The following TNFRSF19 variants were observed in gnomAD, a reference collection of about 807,000 sequenced individuals.
TNFRSF19 encodes the protein TNF receptor superfamily member 19.
In TNFRSF19, 27 loss-of-function variants were observed where a neutral mutation model predicts 46.4. The ratio of observed to expected loss-of-function variants is 0.58; its 90% CI spans 0.43 to 0.80. The LOEUF is 0.80. Among genes scored for constraint, TNFRSF19 ranks in the 30% least tolerant of loss-of-function variants. The probability of loss-of-function intolerance (pLI) is 0.00; values close to 1 mark genes in which losing one functional copy is unlikely to be tolerated. For synonymous variants in TNFRSF19, 204 were observed against 205.0 expected (o/e 1.00, Z 0.04); for missense variants, 511 against 530.8 (o/e 0.96, Z 0.37).
At chr13:23,638,063 A>G (rs1882799783) in intron 5 of TNFRSF19, among the ~76,000 whole-genome samples, 1 of 128,144 alleles carries the variant, frequency 7.8e-6, no homozygotes, top group Non-Finnish European at 1.8e-5. Context: ...CAGATGTTCA[A>G]GGCCATAATA....
At chr13:23,638,956 C>T (rs1882872604) in intron 5 of TNFRSF19, among the ~76,000 whole-genome samples, 1 of 152,148 alleles carries the variant, frequency 6.6e-6, no homozygotes, top group Non-Finnish European at 1.5e-5. Context: ...CTCTTCATGT[C>T]TTTATCTTGT....
chr13:23,584,738 T>C (rs1429175161), intron 1 of TNFRSF19, among the ~76,000 whole-genome samples: 2 of 152,128 alleles, frequency 1.3e-5, no homozygotes, highest in Non-Finnish European at 2.9e-5. Flanking sequence ...TTAGGGTTTT[T>C]AGTAGAAAAT....
intron 1 of TNFRSF19, among the ~76,000 whole-genome samples, chr13:23,575,136 G>T (rs924372962): frequency 6.6e-6 from 1 of 152,206 alleles, no homozygotes; most frequent in Non-Finnish European, 1.5e-5. Flanking sequence ...CCAGCCCTAG[G>T]TCGGGGAGTC....
At chr13:23,666,036 C>T (rs1275024813) in intron 7 of TNFRSF19, among the ~76,000 whole-genome samples, 1 of 152,096 alleles carries the variant, frequency 6.6e-6, no homozygotes, top group African/African-American at 2.4e-5. Context: ...CTGATGCTTC[C>T]TCAGGATTAG....
intron 5 of TNFRSF19, among the ~76,000 whole-genome samples, chr13:23,657,102 T>C (rs1055388897): frequency 6.6e-6 from 1 of 152,204 alleles, no homozygotes; most frequent in Admixed American, 6.5e-5. Context: ...TCCTTTAAAA[T>C]GTATGATTGG....
intron 3 of TNFRSF19, among the ~76,000 whole-genome samples, chr13:23,612,657 A>G (rs1175836698): frequency 6.6e-6 from 1 of 152,198 alleles, no homozygotes; most frequent in Non-Finnish European, 1.5e-5. Context: ...AAAATATTAC[A>G]TTTTTGAAAA....
At chr13:23,623,778 C>T (rs1001807498) in intron 4 of TNFRSF19, among the ~76,000 whole-genome samples, 1 of 152,066 alleles carries the variant, frequency 6.6e-6, no homozygotes, top group African/African-American at 2.4e-5. Context: ...AGACATTTCT[C>T]TGGAGAAATG....
In TNFRSF19 at chr13:23,668,035, G is replaced by C. The variant is rs760740705; in HGVS notation, c.792G>C (p.Pro264=). 6.2e-7 allele frequency: 1 copy of C among 1,609,986 alleles called. No homozygotes were observed. Among genetic ancestry groups the C allele is most frequent in the South Asian group, 1.1e-5 (1 of 89,712 alleles). The part of the protein sequence containing the change: ...MCCEEACSPN[P]ATLGCGVHSA... Reference sequence around the variant, plus strand: ...GTGAGGAGGCCTGCAGCCCCAACCCGGCGACTCTTGGTTGTGGGGTGCATT... The same window carrying C: ...GTGAGGAGGCCTGCAGCCCCAACCCCGCGACTCTTGGTTGTGGGGTGCATT... The change falls in exon 8 of 10, where the codon CCG becomes CCC. Residue 264 remains proline (P), a synonymous_variant. Coordinates refer to ENST00000248484, the MANE Select transcript of TNFRSF19 (RefSeq NM_148957.4).
At chr13:23,590,803 G>A (rs928697816) in intron 2 of TNFRSF19, among the ~76,000 whole-genome samples, 6 of 152,210 alleles carry the variant, frequency 3.9e-5, no homozygotes, top group Non-Finnish European at 8.8e-5. Context: ...TAAAATTGCA[G>A]TGTTACTTGT....
chr13:23,654,032 A>T (rs1186512083), intron 5 of TNFRSF19, among the ~76,000 whole-genome samples: 2 of 152,114 alleles, frequency 1.3e-5, no homozygotes, highest in Non-Finnish European at 2.9e-5. Context: ...GGAAACTGAG[A>T]TTAAGAGCTG....
intron 3 of TNFRSF19, among the ~76,000 whole-genome samples, chr13:23,596,587 C>T (rs1215690855): frequency 1.3e-5 from 2 of 150,706 alleles, no homozygotes; most frequent in African/African-American, 4.9e-5. Flanking sequence ...ACAGGAGCAC[C>T]CAGATTTACA....
chr13:23,573,096 G>A (rs545268376), intron 1 of TNFRSF19, among the ~76,000 whole-genome samples: 2 of 152,288 alleles, frequency 1.3e-5, no homozygotes, highest in African/African-American at 2.4e-5. Flanking sequence ...TATAGAAAAC[G>A]AATGTCCCTA....
chr13:23,579,428 C>A (rs1256314037), intron 1 of TNFRSF19: 2 of 152,672 alleles, frequency 1.3e-5, no homozygotes, highest in Non-Finnish European at 2.9e-5. Context: ...TGGACTGGAC[C>A]CCCATGCAAC....
intron 3 of TNFRSF19, among the ~76,000 whole-genome samples, chr13:23,610,533 T>TC (rs11422958): frequency 0.26 from 38,435 of 146,446 alleles, 5,472 homozygotes; most frequent in African/African-American, 0.38. Flanking sequence ...CTGCCTGCCA[T>TC]CCTGCAGCCC....
intron 5 of TNFRSF19, among the ~76,000 whole-genome samples, chr13:23,648,654 T>G (rs1883464451): frequency 6.6e-6 from 1 of 152,206 alleles, no homozygotes; most frequent in Non-Finnish European, 1.5e-5. Flanking sequence ...GGTATCCTTG[T>G]CTTCTTGATC....
At chr13:23,628,701 C>CT (rs1392829190) in intron 5 of TNFRSF19, among the ~76,000 whole-genome samples, 1 of 151,892 alleles carries the variant, frequency 6.6e-6, no homozygotes, top group Non-Finnish European at 1.5e-5. Flanking sequence ...CTTTTAGTGT[C>CT]TTGTGACGTC....
chr13:23,626,005 T>C (rs887237405), intron 4 of TNFRSF19, among the ~76,000 whole-genome samples: 1 of 152,236 alleles, frequency 6.6e-6, no homozygotes, highest in East Asian at 1.9e-4. Context: ...GGAATGAAAG[T>C]TGTTTGCTTA....
chr13:23,668,885 A>T lies in TNFRSF19; in HGVS notation c.1033A>T (p.Thr345Ser). Reference protein sequence around the residue: ...HSLNPELESSTSLDSNSSQDL... With the variant: ...HSLNPELESSSSLDSNSSQDL... Reference sequence around the variant, plus strand: ...TCTCAATCCAGAACTTGAAAGCTCAACGTCTTTGGATTCAAATAGCAGTCA... The same window carrying T: ...TCTCAATCCAGAACTTGAAAGCTCATCGTCTTTGGATTCAAATAGCAGTCA... The change falls in exon 9 of 10, where the codon ACG becomes TCG. Residue 345 changes from threonine (T) to serine (S), a missense_variant. Transcript: ENST00000248484. 6.2e-7 allele frequency: 1 copy of T among 1,614,256 alleles called. No homozygotes were observed. Among genetic ancestry groups the T allele is most frequent in the East Asian group, 2.2e-5 (1 of 44,886 alleles).
chr13:23,624,752 A>T (rs985683179), intron 4 of TNFRSF19, among the ~76,000 whole-genome samples: 3 of 151,458 alleles, frequency 2.0e-5, no homozygotes, highest in African/African-American at 7.3e-5. Context: ...TATACACATA[A>T]CTTTTTTTTT....
Sources: gnomAD v4.1 joint callset for allele counts (sites outside exome capture counted in the v4.1 genomes callset) on GRCh38, gnomAD v4.1.1 for gene constraint, MANE v1.5 for transcripts, NCBI Gene and HGNC (gene_info 2026-07-23, HGNC 2026-07-21) for gene names.